SHOX: variants seen among roughly 807,000 people sequenced by gnomAD.
The protein encoded by SHOX is short stature homeobox protein.
Under a neutral mutation model 29.6 loss-of-function variants are expected in SHOX, and 12 were observed. The ratio of observed to expected loss-of-function variants is 0.41; its 90% CI spans 0.26 to 0.66. The LOEUF is 0.66. SHOX is among the 30% of genes least tolerant of loss of function. SHOX has a pLI of 0.35. For missense variants in SHOX, 499 were observed against 437.7 expected (o/e 1.14, Z -1.25); for synonymous variants, 214 against 200.6 (o/e 1.07, Z -0.57).
At chrX:624,852 T>TTTCTTTCTTTC (rs2052479485) in intron 1 of SHOX, among the ~76,000 whole-genome samples, 1 of 71,102 alleles carries the variant, frequency 1.4e-5, no homozygotes, top group African/African-American at 5.1e-5. Context: ...CCTCTCTTCC[T>TTTCTTTCTTTC]CTTTCTTTCT....
intron 4 of SHOX, 120 bp from the exon 5 acceptor site, chrX:644,271 G>A: frequency 7.8e-7 from 1 of 1,284,942 alleles, no homozygotes; most frequent in Non-Finnish European, 1.0e-6. Flanking sequence ...TCCACGGCTG[G>A]AGAAGGGGCG....
chrX:625,285 C>T lies in SHOX; in HGVS notation c.-433+683C>T, dbSNP rs2052503194. Among the ~76,000 whole-genome samples the T allele has an allele frequency of 2.7e-5, 4 of 147,326 alleles. No individual in the cohort carries two copies. In the South Asian group the frequency reaches 8.7e-4, roughly 32 times the overall value. On this transcript the variant is annotated intron_variant, in intron 1 of 5. Transcript: ENST00000334060. ...TCTTCCCTCTGCCATTTGTCTCTTTCCCCTTTGCGTTTTTATTCGCAGTCG... is the reference window on the plus strand; with the variant it reads ...TCTTCCCTCTGCCATTTGTCTCTTTTCCCTTTGCGTTTTTATTCGCAGTCG...
chrX:628,323 GTCTC>G (rs1329676288), upstream of SHOX, among the ~76,000 whole-genome samples: 1 of 137,022 alleles, frequency 7.3e-6, no homozygotes, highest in Non-Finnish European at 1.6e-5. Context: ...GTCTCTCCTT[GTCTC>G]TCTCTTTCTC....
At chrX:639,860 G>T (rs750396650) in intron 2 of SHOX, among the ~76,000 whole-genome samples, 9 of 150,814 alleles carry the variant, frequency 6.0e-5, no homozygotes, top group East Asian at 2.0e-4. Flanking sequence ...AATTAGCCAG[G>T]CATGGTGGTG....
At chrX:658,616 GC>G (rs1569496975) in intron 5 of SHOX, among the ~76,000 whole-genome samples, 1 of 151,366 alleles carries the variant, frequency 6.6e-6, no homozygotes, top group Non-Finnish European at 1.5e-5. Flanking sequence ...GACTACAGGC[GC>G]CCGCCACCGC....
At chrX:630,137 C>T (rs1206303083), upstream of SHOX, among the ~76,000 whole-genome samples, 3 of 152,156 alleles carry the variant, frequency 2.0e-5, no homozygotes, top group African/African-American at 7.2e-5. Flanking sequence ...GCCTCCGCCG[C>T]CGCCGCCTCC....
In SHOX at chrX:648,953, TTC is replaced by T. The variant is rs1491029544; in HGVS notation, c.*4319_*4320del. On this transcript the variant is annotated 3_prime_UTR_variant, in exon 5 of 5. Coordinates refer to ENST00000686671, the MANE Select transcript of SHOX (RefSeq NM_000451.4). ...TTCTCTCTTTCTTTCTTTTCTTTCTTTCTGTTTCTTTCCTTTTTATCTTTCTC... is the reference window on the plus strand; with the variant it reads ...TTCTCTCTTTCTTTCTTTTCTTTCTTTGTTTCTTTCCTTTTTATCTTTCTC... 1.7e-4 allele frequency among the ~76,000 whole-genome samples: 17 copies of T among 102,884 alleles called. No homozygotes were observed. The highest frequency in any genetic ancestry group is 2.7e-4 in the South Asian group (1 of 3,736). The allele number at this position is 102,884 out of a possible 152,430, so 67.5% of individuals were successfully genotyped here.
chrX:633,229 C>G (rs1024987877), intron 1 of SHOX, among the ~76,000 whole-genome samples: 29 of 152,092 alleles, frequency 1.9e-4, no homozygotes, highest in Non-Finnish European at 2.6e-4. Flanking sequence ...GTGTCCCCGC[C>G]GAGCCTGGGA....
Position 648,718 on chromosome X carries a change from C to T in SHOX, c.*4082C>T, listed in dbSNP as rs762827102. Among the ~76,000 whole-genome samples, 37 of 152,252 alleles carry T rather than the reference C, an allele frequency of 2.4e-4. No individual in the cohort carries two copies. The highest frequency in any genetic ancestry group is 9.7e-4 in the East Asian group (5 of 5,178). On this transcript the variant is annotated 3_prime_UTR_variant, in exon 5 of 5. Transcript: ENST00000686671. ...CTGGCTGCCTTTGGCTTTTCTCCTG[C>T]GAGAGAAGTTGGGTGACTTTCTGTA...
intron 2 of SHOX, among the ~76,000 whole-genome samples, chrX:635,318 T>G (rs2052726251): frequency 6.6e-6 from 1 of 152,076 alleles, no homozygotes. Context: ...AAAAAATGTG[T>G]CTTTTGGCCC....
chrX:631,529 T>TG (rs1375608174), intron 1 of SHOX, among the ~76,000 whole-genome samples: 42 of 138,066 alleles, frequency 3.0e-4, no homozygotes, highest in East Asian at 8.6e-4. Flanking sequence ...TCCTTTCCTT[T>TG]TTTTGTTTGT....
At chrX:639,995 T>C (rs1423504770) in intron 2 of SHOX, among the ~76,000 whole-genome samples, 1 of 148,722 alleles carries the variant, frequency 6.7e-6, no homozygotes, top group African/African-American at 2.5e-5. Flanking sequence ...AGCAAGACTC[T>C]GTCTCAAAAA....
intron 4 of SHOX, among the ~76,000 whole-genome samples, chrX:642,298 CT>C (rs1331874859): frequency 6.8e-6 from 1 of 147,234 alleles, no homozygotes; most frequent in East Asian, 2.0e-4. Flanking sequence ...GCGGAACGGG[CT>C]TGGGGGGGGG....
At chrX:633,686 C>G (rs1483103972) in intron 1 of SHOX, among the ~76,000 whole-genome samples, 4 of 152,054 alleles carry the variant, frequency 2.6e-5, no homozygotes, top group Non-Finnish European at 5.9e-5. Context: ...CAAGGGACAT[C>G]TCATTAGGGC....
At position 649,498 on chromosome X, in the gene SHOX, T is replaced by C. The variant is rs963871144; in HGVS notation, c.*4862T>C. ...ACGTCTCTCCACAGGAGGTGAGAAA[T>C]TGAATTTATGGGGTGGGTGTACGCT... is the stretch of plus-strand genomic sequence containing the variant. On this transcript the variant is annotated 3_prime_UTR_variant, in exon 5 of 5. Transcript: ENST00000686671. Among the ~76,000 whole-genome samples, 3 of 151,928 alleles carry C rather than the reference T, an allele frequency of 2.0e-5. No homozygotes were observed. The highest frequency in any genetic ancestry group is 7.3e-5 in the African/African-American group (3 of 41,346).
chrX:657,853 T>C (rs1281965350), intron 5 of SHOX, among the ~76,000 whole-genome samples: 1 of 151,996 alleles, frequency 6.6e-6, no homozygotes, highest in Non-Finnish European at 1.5e-5. Context: ...CACATTTGGG[T>C]TGATTTATTT....
At chrX:655,592 CTCTCTCTCTCTCTCTCTCTCTCTA>C (rs2053128908), downstream of SHOX, among the ~76,000 whole-genome samples, 2 of 55,704 alleles carry the variant, frequency 3.6e-5, no homozygotes, top group Non-Finnish European at 6.4e-5. Flanking sequence ...CTCTCTCTCT[CTCTCTCTCTCTCTCTCTCTCTCTA>C]TATATATATA....
At chrX:655,604 CTCTCTCTCTCTATATA>C (rs1474656043), downstream of SHOX, among the ~76,000 whole-genome samples, 141 of 37,894 alleles carry the variant, frequency 3.7e-3, no homozygotes, top group Admixed American at 7.4e-3. Flanking sequence ...CTCTCTCTCT[CTCTCTCTCTCTATATA>C]TATATATATA....
chrX:643,345 G>A (rs1215543048), intron 4 of SHOX, among the ~76,000 whole-genome samples: 5 of 150,004 alleles, frequency 3.3e-5, no homozygotes, highest in Non-Finnish European at 7.4e-5. Context: ...GGTGTCCCGG[G>A]AGAGGCTTGG....
Sources: gnomAD v4.1 joint callset for allele counts (sites outside exome capture counted in the v4.1 genomes callset) on GRCh38, gnomAD v4.1.1 for gene constraint, MANE v1.5 for transcripts, NCBI Gene and HGNC (gene_info 2026-07-23, HGNC 2026-07-21) for gene names.